Variants in AASDHPPT observed in about 807,000 individuals in gnomAD.
AASDHPPT encodes L-aminoadipate-semialdehyde dehydrogenase-phosphopantetheinyl transferase.
Under a neutral mutation model 36.4 loss-of-function variants are expected in AASDHPPT, and 23 were observed. That is an observed-to-expected ratio of 0.63 (90% CI 0.45 to 0.89). The LOEUF (loss-of-function observed/expected upper bound fraction) is 0.89. AASDHPPT is among the 40% of genes least tolerant of loss of function. The pLI, the probability that AASDHPPT is intolerant of heterozygous loss-of-function variation, is 0.00. For missense variants in AASDHPPT, 377 were observed against 378.2 expected, an observed-to-expected ratio of 1.00 and a Z score of 0.03; for synonymous variants, 115 against 128.0, an observed-to-expected ratio of 0.90 and a Z score of 0.68.
intron 3 of AASDHPPT, among the ~76,000 whole-genome samples, chr11:106,091,062 C>G (rs563679368): frequency 6.6e-6 from 1 of 151,914 alleles, no homozygotes; most frequent in Non-Finnish European, 1.5e-5. Context: ...ACATAACATC[C>G]CTATGAGGAA....
chr11:106,096,480 G>C (rs1861314640), intron 5 of AASDHPPT: 1 of 264,070 alleles, frequency 3.8e-6, no homozygotes, highest in Non-Finnish European at 7.0e-6. Context: ...TTTTGGATGT[G>C]GGGCCCAGTA....
rs763584425 is a variant in AASDHPPT at position 106,096,748 on chromosome 11, A to G, written c.771A>G (p.Pro257=). ...KPDGSRHQDV[P]SQDDSKPTQR... ...AATCTGCTTTTGTCTTTTAGGTTCC[A>G]TCTCAGGATGATTCCAAACCAACCC... The change falls in exon 6 of 6, where the codon CCA becomes CCG. Residue 257 remains proline (P), a synonymous_variant. Transcript: ENST00000278618. 13 of 1,581,128 alleles carry G rather than the reference A, an allele frequency of 8.2e-6. No individual in the cohort carries two copies. Among genetic ancestry groups the G allele is most frequent in the Non-Finnish European group, 1.0e-5 (12 of 1,168,182 alleles).
intron 2 of AASDHPPT, among the ~76,000 whole-genome samples, chr11:106,083,489 T>C (rs1025617990): frequency 1.3e-5 from 2 of 152,216 alleles, no homozygotes; most frequent in East Asian, 3.8e-4. Context: ...GAAACTGGGT[T>C]ACATACATTT....
chr11:106,087,464 G>A (rs1397388996), intron 2 of AASDHPPT, among the ~76,000 whole-genome samples: 2 of 151,956 alleles, frequency 1.3e-5, no homozygotes, highest in Non-Finnish European at 2.9e-5. Context: ...CTAAATTTTG[G>A]TACTTTGAAG....
At chr11:106,094,453 C>A in intron 4 of AASDHPPT, 130 bp from the exon 5 acceptor site, 1 of 573,714 alleles carries the variant, frequency 1.7e-6, no homozygotes, top group Non-Finnish European at 2.9e-6. Context: ...TATATATATG[C>A]ACGCGTGTGA....
chr11:106,077,894 G>GTAC lies in AASDHPPT; in HGVS notation c.183+5_183+7dup, dbSNP rs757458433. 6.8e-6 allele frequency: 11 copies of GTAC among 1,613,826 alleles called. No homozygotes were observed. The highest frequency in any genetic ancestry group is 4.4e-5 in the South Asian group (4 of 91,066). ...TGCCCGGGACGCTAAGGCAGCCATG[G>GTAC]TACTACAGGTCTTTTTTGGTATTTA... On this transcript the variant is annotated splice_donor_variant, in intron 1 of 5. Transcript: ENST00000278618. LOFTEE classifies it high-confidence loss of function.
chr11:106,089,372 C>T (rs1208322739), intron 2 of AASDHPPT, among the ~76,000 whole-genome samples: 1 of 151,916 alleles, frequency 6.6e-6, no homozygotes. Context: ...CCCATATTAA[C>T]AGAATCCACA....
chr11:106,079,681 CTAGTT>C lies in AASDHPPT; in HGVS notation c.400_404del (p.Phe135ArgfsTer28). ...CAAGTTGGAATTGATATAATGAAGACTAGTTTTCCAGGTAACGTTGCATTTTTCTA... is the reference window on the plus strand; with the variant it reads ...CAAGTTGGAATTGATATAATGAAGACTTCCAGGTAACGTTGCATTTTTCTA... On this transcript the variant is annotated frameshift_variant, in exon 2 of 6. Coordinates refer to ENST00000278618, the MANE Select transcript of AASDHPPT (RefSeq NM_015423.3). LOFTEE classifies it high-confidence loss of function. The C allele has an allele frequency of 6.2e-7, 1 of 1,613,896 alleles. No individual in the cohort carries two copies. Among genetic ancestry groups the C allele is most frequent in the Non-Finnish European group, 8.5e-7 (1 of 1,179,838 alleles).
intron 2 of AASDHPPT, among the ~76,000 whole-genome samples, chr11:106,086,777 A>T (rs1175882220): frequency 1.3e-5 from 2 of 152,194 alleles, no homozygotes; most frequent in Non-Finnish European, 2.9e-5. Context: ...GAAAGCAGAA[A>T]ACAAGTCTTC....
intron 2 of AASDHPPT, among the ~76,000 whole-genome samples, chr11:106,082,253 T>C (rs1174854558): frequency 1.3e-5 from 2 of 152,188 alleles, no homozygotes. Context: ...GTTGTTACCA[T>C]GCTACTGATT....
intron 2 of AASDHPPT, among the ~76,000 whole-genome samples, chr11:106,087,630 T>G (rs528855964): frequency 2.2e-4 from 33 of 152,244 alleles, no homozygotes; most frequent in Admixed American, 1.9e-3. Flanking sequence ...GCCCTGAGGT[T>G]CTGGATTTTT....
Position 106,077,886 on chromosome 11 carries a change from C to A in AASDHPPT, c.176C>A (p.Ala59Glu). Reference sequence around the variant, plus strand: ...TTCGTCTTTGCCCGGGACGCTAAGGCAGCCATGGTACTACAGGTCTTTTTT... The same window carrying A: ...TTCGTCTTTGCCCGGGACGCTAAGGAAGCCATGGTACTACAGGTCTTTTTT... The part of the protein sequence containing the change: ...GQFVFARDAK[A>E]AMAGRLMIRK... The change falls in exon 1 of 6, where the codon GCA becomes GAA. Residue 59 changes from alanine to glutamate, a missense_variant. Coordinates refer to ENST00000278618, the MANE Select transcript of AASDHPPT (RefSeq NM_015423.3). 6.2e-7 allele frequency: 1 copy of A among 1,614,096 alleles called. No individual in the cohort carries two copies.
Position 106,084,877 on chromosome 11 carries a change from A to G in AASDHPPT, c.409+5185A>G, listed in dbSNP as rs181050257. Among the ~76,000 whole-genome samples the G allele has an allele frequency of 1.3e-3, 197 of 152,200 alleles. 2 individuals are homozygous for G. Among genetic ancestry groups the G allele is most frequent in the African/African-American group, 4.5e-3 (186 of 41,510 alleles). On this transcript the variant is annotated intron_variant, in intron 2 of 5. Coordinates refer to ENST00000278618, the MANE Select transcript of AASDHPPT (RefSeq NM_015423.3). ...TGAACTGCCCGCCTTGGCCTCCCAA[A>G]GTGCTGGGATTACAGGCGTGAGCCA...
intron 4 of AASDHPPT, chr11:106,091,725 T>C (rs1197003439): frequency 2.5e-5 from 8 of 321,762 alleles, no homozygotes; most frequent in Non-Finnish European, 3.9e-5. Context: ...GAGCTTTGCA[T>C]GTATGAACAG....
rs537921147 is a variant in AASDHPPT, at chr11:106,098,202, C to T, written c.*1295C>T. ...TATGTCATTTTTAAAATTTGTATTTCTTTCATTACAAATAAGATTGTTATG... is the reference window on the plus strand; with the variant it reads ...TATGTCATTTTTAAAATTTGTATTTTTTTCATTACAAATAAGATTGTTATG... On this transcript the variant is annotated 3_prime_UTR_variant, in exon 6 of 6. Coordinates refer to ENST00000278618, the MANE Select transcript of AASDHPPT (RefSeq NM_015423.3). 11 of 152,168 alleles carry T rather than the reference C, an allele frequency of 7.2e-5. No homozygotes were observed. The South Asian group carries it at 2.3e-3, about 32-fold the overall frequency. The allele number at this position is 152,168 out of a possible 1,614,324, so 9.4% of individuals were successfully genotyped here.
chr11:106,087,886 C>T (rs1039026208), intron 2 of AASDHPPT, among the ~76,000 whole-genome samples: 2 of 152,138 alleles, frequency 1.3e-5, no homozygotes, highest in Non-Finnish European at 2.9e-5. Context: ...AACGTATGTG[C>T]AGTAATTGTG....
At chr11:106,090,789 TG>T in intron 3 of AASDHPPT, 111 bp downstream of exon 3, 1 of 1,378,638 alleles carries the variant, frequency 7.3e-7, no homozygotes, top group Non-Finnish European at 9.7e-7. Flanking sequence ...TTGAAGTAAA[TG>T]GGTGATTGCT....
chr11:106,095,316 T>C (rs1023505217), intron 5 of AASDHPPT, among the ~76,000 whole-genome samples: 2 of 152,194 alleles, frequency 1.3e-5, no homozygotes, highest in African/African-American at 4.8e-5. Context: ...CGTTGAAGGT[T>C]GATGAGTAAT....
At chr11:106,081,392 A>C (rs1009041289) in intron 2 of AASDHPPT, among the ~76,000 whole-genome samples, 10 of 152,218 alleles carry the variant, frequency 6.6e-5, no homozygotes, top group Admixed American at 4.6e-4. Context: ...TTACCTCCTG[A>C]AACTGTATGC....
Sources: allele counts gnomAD v4.1 joint callset (sites outside exome capture counted in the v4.1 genomes callset), GRCh38; gene constraint gnomAD v4.1.1; transcripts MANE v1.5; gene names NCBI Gene and HGNC (gene_info 2026-07-23, HGNC 2026-07-21).